The following EXOC4 variants were observed in gnomAD, a reference collection of about 807,000 sequenced individuals.
EXOC4 encodes exocyst complex component 4, also known as SEC8-like 1.
In EXOC4, 71 loss-of-function variants were observed where a neutral mutation model predicts 107.2. That is an observed-to-expected ratio of 0.66 (90% CI 0.55 to 0.81). The LOEUF (loss-of-function observed/expected upper bound fraction) is 0.81, where lower values mean the gene tolerates loss of function less well. EXOC4 is among the 30% of genes least tolerant of loss of function. The pLI is 0.00. For missense variants in EXOC4, 1,108 were observed against 1,189.6 expected, an observed-to-expected ratio of 0.93 and a Z score of 1.01; for synonymous variants, 456 against 441.2, an observed-to-expected ratio of 1.03 and a Z score of -0.42.
chr7:133,510,090 A>C (rs1799741358), intron 9 of EXOC4, among the ~76,000 whole-genome samples: 1 of 152,214 alleles, frequency 6.6e-6, no homozygotes, highest in Non-Finnish European at 1.5e-5. Context: ...GTTTTAGAAC[A>C]TGTCAACCCA....
At chr7:133,772,691 C>T (rs1796269260) in intron 10 of EXOC4, among the ~76,000 whole-genome samples, 1 of 152,030 alleles carries the variant, frequency 6.6e-6, no homozygotes, top group African/African-American at 2.4e-5. Context: ...TAGATGTTAA[C>T]ATTTTAAGCA....
At chr7:133,280,420 A>G (rs1310912199) in intron 2 of EXOC4, among the ~76,000 whole-genome samples, 1 of 152,226 alleles carries the variant, frequency 6.6e-6, no homozygotes, top group African/African-American at 2.4e-5. Flanking sequence ...GTTGGGCCAA[A>G]TGAATTGGTA....
intron 10 of EXOC4, among the ~76,000 whole-genome samples, chr7:133,710,244 T>A (rs1331050426): frequency 6.6e-6 from 1 of 152,170 alleles, no homozygotes; most frequent in Non-Finnish European, 1.5e-5. Flanking sequence ...ATCTTTCATG[T>A]GCCATCCGGA....
At chr7:133,974,372 C>G (rs2953624) in intron 14 of EXOC4, among the ~76,000 whole-genome samples, 110,751 of 152,084 alleles carry the variant, frequency 0.73, 40,955 homozygotes, top group East Asian at 0.91. Flanking sequence ...GCACATCACA[C>G]ATGTGTATTA....
chr7:133,691,783 T>C (rs1794426658), intron 10 of EXOC4, among the ~76,000 whole-genome samples: 1 of 152,178 alleles, frequency 6.6e-6, no homozygotes, highest in African/African-American at 2.4e-5. Context: ...GGGAGATGTA[T>C]TCAAGTTGAG....
At chr7:133,694,175 T>G (rs1585083618) in intron 10 of EXOC4, among the ~76,000 whole-genome samples, 1 of 150,210 alleles carries the variant, frequency 6.7e-6, no homozygotes, top group Non-Finnish European at 1.5e-5. Context: ...GCAGGAGAAT[T>G]GCTTGAACCC....
intron 17 of EXOC4, among the ~76,000 whole-genome samples, chr7:134,047,545 A>G (rs2116561858): frequency 6.6e-6 from 1 of 152,284 alleles, no homozygotes; most frequent in Non-Finnish European, 1.5e-5. Context: ...CCCATTCTAC[A>G]ACTAAGAATC....
chr7:133,546,248 G>A (rs1446046076), intron 9 of EXOC4, among the ~76,000 whole-genome samples: 2 of 129,644 alleles, frequency 1.5e-5, no homozygotes, highest in African/African-American at 5.5e-5. Flanking sequence ...ATAATAGCTG[G>A]AAAACTTTTT....
At chr7:133,818,025 C>T (rs1428356118) in intron 11 of EXOC4, among the ~76,000 whole-genome samples, 1 of 152,140 alleles carries the variant, frequency 6.6e-6, no homozygotes, top group Non-Finnish European at 1.5e-5. Flanking sequence ...AAAGTCAAAT[C>T]ACTGAATTCA....
chr7:134,041,258 A>G (rs941170817), intron 17 of EXOC4, among the ~76,000 whole-genome samples: 44 of 152,338 alleles, frequency 2.9e-4, no homozygotes, highest in Middle Eastern at 3.4e-3. Flanking sequence ...TAGACCCAGT[A>G]GTCATTTCTT....
intron 9 of EXOC4, among the ~76,000 whole-genome samples, chr7:133,611,453 G>A (rs956494787): frequency 4.6e-5 from 7 of 152,174 alleles, no homozygotes; most frequent in Admixed American, 4.6e-4. Context: ...CATTTTCATT[G>A]TGTCACTCGC....
chr7:133,642,664 A>G (rs995217948), intron 10 of EXOC4, among the ~76,000 whole-genome samples: 35 of 152,122 alleles, frequency 2.3e-4, no homozygotes, highest in African/African-American at 8.5e-4. Flanking sequence ...CATCTTCTAC[A>G]CTACTTCCGG....
chr7:133,796,894 A>G (rs544924494), intron 10 of EXOC4, among the ~76,000 whole-genome samples: 20 of 152,332 alleles, frequency 1.3e-4, no homozygotes, highest in African/African-American at 4.8e-4. Context: ...AGACGCTGCC[A>G]TCTGTCTGCC....
chr7:133,689,109 C>T (rs1388926747), intron 10 of EXOC4, among the ~76,000 whole-genome samples: 1 of 152,134 alleles, frequency 6.6e-6, no homozygotes, highest in Admixed American at 6.6e-5. Context: ...AGCAATTTCT[C>T]AGTGAATGGC....
At chr7:133,351,257 T>G (rs1795903403) in intron 5 of EXOC4, among the ~76,000 whole-genome samples, 1 of 152,002 alleles carries the variant, frequency 6.6e-6, no homozygotes, top group African/African-American at 2.4e-5. Context: ...TTTTCTAGAA[T>G]TTTTTGGAAA....
intron 10 of EXOC4, among the ~76,000 whole-genome samples, chr7:133,749,937 T>G: frequency 6.7e-6 from 1 of 150,350 alleles, no homozygotes; most frequent in African/African-American, 2.4e-5. Context: ...TTATTGGGCT[T>G]CCTAAAGGTG....
At chr7:133,640,870 C>CTT (rs1226721840) in intron 10 of EXOC4, among the ~76,000 whole-genome samples, 10 of 102,628 alleles carry the variant, frequency 9.7e-5, no homozygotes, top group African/African-American at 3.8e-4. Flanking sequence ...CTCTCTCTCT[C>CTT]TCTTTTTTTT....
intron 9 of EXOC4, among the ~76,000 whole-genome samples, chr7:133,583,496 C>T (rs1299051995): frequency 2.0e-5 from 3 of 152,094 alleles, no homozygotes; most frequent in African/African-American, 7.2e-5. Context: ...CAAGATTTTG[C>T]AGGAGAAAGA....
chr7:133,852,014 TC>T (rs1348092533), intron 11 of EXOC4, among the ~76,000 whole-genome samples: 1 of 152,220 alleles, frequency 6.6e-6, no homozygotes, highest in Non-Finnish European at 1.5e-5. Flanking sequence ...TTTAAAATTT[TC>T]TTATAATCTT....
Sources: allele counts gnomAD v4.1 joint callset (sites outside exome capture counted in the v4.1 genomes callset), GRCh38; gene constraint gnomAD v4.1.1; transcripts MANE v1.5; gene names NCBI Gene and HGNC (gene_info 2026-07-23, HGNC 2026-07-21).